COPS3: variants seen among roughly 807,000 people sequenced by gnomAD.
COPS3 encodes COP9 signalosome subunit 3, also known as COP9 signalosome complex subunit 3.
In COPS3, 10 loss-of-function variants were observed where a neutral mutation model predicts 58.2. The ratio of observed to expected loss-of-function variants is 0.17; its 90% CI spans 0.11 to 0.29. The LOEUF (loss-of-function observed/expected upper bound fraction) is 0.29. COPS3 is among the 10% of genes least tolerant of loss of function. COPS3 has a pLI of 1.00. For missense variants in COPS3, 333 were observed against 510.1 expected, an observed-to-expected ratio of 0.65 and a Z score of 3.34; for synonymous variants, 187 against 181.7, an observed-to-expected ratio of 1.03 and a Z score of -0.24.
At chr17:17,274,060 C>T (rs1383669094) in intron 2 of COPS3, among the ~76,000 whole-genome samples, 1 of 152,158 alleles carries the variant, frequency 6.6e-6, no homozygotes, top group African/African-American at 2.4e-5. Context: ...CATAAACTCA[C>T]ATAAACATAT....
chr17:17,266,527 G>C (rs553520218), intron 5 of COPS3, among the ~76,000 whole-genome samples: 1 of 152,010 alleles, frequency 6.6e-6, no homozygotes, highest in Non-Finnish European at 1.5e-5. Flanking sequence ...GGCCAGGCAC[G>C]GTGGTTCACA....
intron 5 of COPS3, among the ~76,000 whole-genome samples, chr17:17,265,981 T>C (rs777136532): frequency 2.0e-5 from 3 of 152,234 alleles, no homozygotes; most frequent in Non-Finnish European, 4.4e-5. Flanking sequence ...GTTATCTAGC[T>C]AATGGAGACG....
chr17:17,280,926 C>T, intron 1 of COPS3: 1 of 878,614 alleles, frequency 1.1e-6, no homozygotes, highest in Non-Finnish European at 1.7e-6. Flanking sequence ...GGGAGGCCGG[C>T]CGGCGAGGAC....
rs537945907 is a variant in COPS3, at chr17:17,271,021, G to C, written c.186-13C>G. The C allele has an allele frequency of 6.4e-7, 1 of 1,573,134 alleles. No homozygotes were observed. Among genetic ancestry groups the C allele is most frequent in the Non-Finnish European group, 8.7e-7 (1 of 1,143,214 alleles). On this transcript the variant is annotated splice_polypyrimidine_tract_variant and intron_variant, in intron 2 of 11. Coordinates refer to ENST00000268717, the MANE Select transcript of COPS3 (RefSeq NM_003653.4). The stretch of plus-strand genomic sequence containing the variant: ...AAACTTCACAAACCTAGAATAAGGA[G>C]AAAAGAATCAAATTACCCTGATAGT...
chr17:17,280,609 A>G, intron 1 of COPS3: 2 of 1,302,598 alleles, frequency 1.5e-6, no homozygotes, highest in Non-Finnish European at 2.0e-6. Flanking sequence ...TAGGACCAAA[A>G]TAGGCGCACA....
chr17:17,262,271 A>AT (rs368201996), intron 6 of COPS3, among the ~76,000 whole-genome samples, 165 bp from the exon 7 acceptor site: 277 of 152,160 alleles, frequency 1.8e-3, no homozygotes, highest in African/African-American at 6.3e-3. Context: ...TTATTTATGC[A>AT]TTTTTTAGAG....
At chr17:17,271,519 G>A (rs1179301505) in intron 2 of COPS3, among the ~76,000 whole-genome samples, 1 of 151,270 alleles carries the variant, frequency 6.6e-6, no homozygotes, top group Non-Finnish European at 1.5e-5. Flanking sequence ...ACAAATAAGG[G>A]TTAAGAAAAA....
chr17:17,267,760 T>C (rs915007308), intron 5 of COPS3, 125 bp downstream of exon 5: 6 of 877,970 alleles, frequency 6.8e-6, no homozygotes, highest in African/African-American at 1.7e-5. Flanking sequence ...TACCTACATA[T>C]TCCAACTTCT....
chr17:17,255,485 C>CAAAAAAAAA (rs10529108), intron 8 of COPS3, among the ~76,000 whole-genome samples: 70,063 of 126,764 alleles, frequency 0.55, 19,880 homozygotes, highest in East Asian at 0.81. Context: ...GACTCTATTT[C>CAAAAAAAAA]AAAAAAAAAA....
chr17:17,277,134 C>CA (rs1363501953), intron 1 of COPS3, among the ~76,000 whole-genome samples: 1 of 152,158 alleles, frequency 6.6e-6, no homozygotes, highest in Non-Finnish European at 1.5e-5. Context: ...CCTTCTCCCC[C>CA]ACATCCTCTG....
chr17:17,259,913 T>A (rs1239926783), intron 8 of COPS3, among the ~76,000 whole-genome samples: 2 of 134,774 alleles, frequency 1.5e-5, no homozygotes, highest in South Asian at 2.4e-4. Flanking sequence ...AAAAAAAAAA[T>A]GTTCTAATAG....
At position 17,281,220 on chromosome 17, in the gene COPS3, G is replaced by A. The variant is rs374405671; in HGVS notation, c.-34C>T. ...CCGGGCGGCCCGAGCGGCGAAGGCA[G>A]CACGCGCGGGAAAAGGCTGCCGCTC... On this transcript the variant is annotated 5_prime_UTR_variant, in exon 1 of 12. Coordinates refer to ENST00000268717, the MANE Select transcript of COPS3 (RefSeq NM_003653.4). 7 of 1,596,472 alleles carry A rather than the reference G, an allele frequency of 4.4e-6. No homozygotes were observed. The highest frequency in any genetic ancestry group is 5.1e-6 in the Non-Finnish European group (6 of 1,171,594).
intron 1 of COPS3, among the ~76,000 whole-genome samples, chr17:17,280,002 C>T (rs1408002914): frequency 6.6e-6 from 1 of 152,154 alleles, no homozygotes; most frequent in Non-Finnish European, 1.5e-5. Context: ...CAGTGGCTCA[C>T]GCCTGTAATC....
intron 2 of COPS3, among the ~76,000 whole-genome samples, chr17:17,274,520 G>C (rs1288447814): frequency 6.6e-6 from 1 of 151,292 alleles, no homozygotes; most frequent in Non-Finnish European, 1.5e-5. Flanking sequence ...CGCCTCCCAG[G>C]TTCAAGCCAT....
chr17:17,261,983 C>A lies in COPS3; in HGVS notation c.745G>T (p.Val249Leu). 1 of 1,589,952 alleles carries A rather than the reference C, an allele frequency of 6.3e-7. No homozygotes were observed. Among genetic ancestry groups the A allele is most frequent in the Non-Finnish European group, 8.6e-7 (1 of 1,166,526 alleles). Residue 249 changes from valine to leucine, a missense_variant, in exon 7 of 12, where the codon GTG becomes TTG. By Grantham distance (32) the Val-to-Leu change is conservative. Transcript: ENST00000268717. ...QQLPKYTSQI[V>L]GRFIKPLSNA... is the part of the protein sequence containing the mutation. ...AAACTTACCTTAATGAATCTACCCA[C>A]AATTTGAGATGTATATTTTGGTAGC...
chr17:17,263,981 A>T (rs1246348711), intron 6 of COPS3, among the ~76,000 whole-genome samples: 1 of 152,194 alleles, frequency 6.6e-6, no homozygotes. Context: ...TGAAGATTTA[A>T]CCTGACTAGA....
intron 5 of COPS3, among the ~76,000 whole-genome samples, chr17:17,267,288 A>G (rs2048245198): frequency 6.9e-6 from 1 of 145,714 alleles, no homozygotes; most frequent in Non-Finnish European, 1.5e-5. Context: ...CAGTGAGCTG[A>G]GATGGCGCCA....
chr17:17,280,536 G>A (rs547599646), intron 1 of COPS3: 6 of 1,250,276 alleles, frequency 4.8e-6, no homozygotes, highest in South Asian at 3.9e-5. Context: ...CTCCAGCCTC[G>A]GCTAAAAAAA....
chr17:17,279,004 A>G (rs1379884214), intron 1 of COPS3, among the ~76,000 whole-genome samples: 3 of 151,574 alleles, frequency 2.0e-5, no homozygotes, highest in African/African-American at 7.3e-5. Flanking sequence ...CCTCCCGAGT[A>G]GCTGAGATTA....
Sources: gnomAD v4.1 joint callset for allele counts (sites outside exome capture counted in the v4.1 genomes callset) on GRCh38, gnomAD v4.1.1 for gene constraint, MANE v1.5 for transcripts, NCBI Gene and HGNC (gene_info 2026-07-23, HGNC 2026-07-21) for gene names.